Variants in NMT2 observed in about 807,000 individuals in gnomAD.
NMT2 encodes the protein glycylpeptide N-tetradecanoyltransferase 2.
NMT2 carries 35 observed loss-of-function variants against 65.4 expected under a neutral mutation model. That is an observed-to-expected ratio of 0.54 (90% CI 0.41 to 0.71). NMT2 has a LOEUF of 0.71. NMT2 is among the 30% of genes least tolerant of loss of function. The pLI is 0.00. For synonymous variants in NMT2, 226 were observed against 231.8 expected (o/e 0.98, Z 0.23); for missense variants, 489 against 611.3 (o/e 0.80, Z 2.11).
Position 15,107,707 on chromosome 10 carries a change from G to T in NMT2, c.*1488C>A. 1.1e-6 allele frequency: 1 copy of T among 911,010 alleles called. No individual in the cohort carries two copies. Among genetic ancestry groups the T allele is most frequent in the Non-Finnish European group, 1.3e-6 (1 of 762,384 alleles). The allele number at this position is 911,010 out of a possible 1,614,324, so 56.4% of individuals were successfully genotyped here. A position where few individuals can be genotyped will look rare whatever the true frequency, so the allele number is the denominator to read the frequency against. On this transcript the variant is annotated 3_prime_UTR_variant, in exon 12 of 12. Transcript: ENST00000378165. ...TGACCTCAAATGTTTCGCCCGCCTT[G>T]GCCTCCCAAAGTGCTGGGATTACAG...
At chr10:15,141,618 A>T (rs1299637558) in intron 1 of NMT2, 61 bp from the exon 2 acceptor site, 11 of 1,518,404 alleles carry the variant, frequency 7.2e-6, no homozygotes, top group Non-Finnish European at 8.0e-6. Context: ...AATGAAATTG[A>T]ATTGCATACA....
intron 1 of NMT2, among the ~76,000 whole-genome samples, chr10:15,164,797 C>T (rs533877170): frequency 5.9e-5 from 9 of 151,896 alleles, no homozygotes; most frequent in South Asian, 2.1e-4. Context: ...TTTGGGAGGC[C>T]GAGGCCAGGG....
chr10:15,107,676 A>G lies in NMT2; in HGVS notation c.*1519T>C. 1.4e-6 allele frequency: 1 copy of G among 720,574 alleles called. No individual in the cohort carries two copies. The highest frequency in any genetic ancestry group is 1.7e-6 in the Non-Finnish European group (1 of 588,738). 44.6% of individuals were successfully genotyped at this position (720,574 alleles called of 1,614,324 possible). A position where few individuals can be genotyped will look rare whatever the true frequency, so the allele number is the denominator to read the frequency against. ...CACCATGTTGGCCAGGCTGGTCTCG[A>G]ACCCCTGACCTCAAATGTTTCGCCC... On this transcript the variant is annotated 3_prime_UTR_variant, in exon 12 of 12. Coordinates refer to ENST00000378165, the MANE Select transcript of NMT2 (RefSeq NM_004808.3).
intron 2 of NMT2, chr10:15,139,660 A>G (rs972706938): frequency 1.3e-5 from 2 of 151,852 alleles, no homozygotes; most frequent in African/African-American, 4.8e-5. Context: ...AAGCTAGGGA[A>G]GAAGATTCCA....
At position 15,168,621 on chromosome 10, in the gene NMT2, C is replaced by CGCTGGCTGGGGAGGCGGT. The variant is rs759289845; in HGVS notation, c.-27_-10dup. 1.1e-5 allele frequency: 18 copies of CGCTGGCTGGGGAGGCGGT among 1,572,006 alleles called. No homozygotes were observed. Among genetic ancestry groups the CGCTGGCTGGGGAGGCGGT allele is most frequent in the Non-Finnish European group, 1.5e-5 (18 of 1,165,832 alleles). On this transcript the variant is annotated 5_prime_UTR_variant, in exon 1 of 12. Coordinates refer to ENST00000378165, the MANE Select transcript of NMT2 (RefSeq NM_004808.3). ...TCGCTGTCCTCCGCCATCGCGGCGG[C>CGCTGGCTGGGGAGGCGGT]GCTGGCTGGGGAGGCGGTGCTCGGG...
intron 1 of NMT2, among the ~76,000 whole-genome samples, chr10:15,151,059 C>CTTTTTTTTTTTTTTTTT (rs200879621): frequency 7.1e-6 from 1 of 139,896 alleles, no homozygotes; most frequent in African/African-American, 2.7e-5. Flanking sequence ...TAGCTTCCTC[C>CTTTTTTTTTTTTTTTTT]TTTTTTTTTT....
intron 1 of NMT2, chr10:15,155,297 G>A (rs1236562338): frequency 1.5e-6 from 2 of 1,349,026 alleles, no homozygotes; most frequent in Admixed American, 1.7e-5. Flanking sequence ...TGGCGATGTT[G>A]AAGAACATGG....
chr10:15,164,437 T>C (rs1378490392), intron 1 of NMT2, among the ~76,000 whole-genome samples: 1 of 152,188 alleles, frequency 6.6e-6, no homozygotes, highest in African/African-American at 2.4e-5. Context: ...GGGACAGATT[T>C]GGTTTTGTTA....
intron 9 of NMT2, among the ~76,000 whole-genome samples, chr10:15,113,463 CAAAAAAA>C (rs1169255963): frequency 0.029 from 1,060 of 36,960 alleles, 12 homozygotes; most frequent in African/African-American, 0.091. Context: ...GGATGAGACT[CAAAAAAA>C]AAAAAAAAAA....
At chr10:15,159,091 G>A (rs1833100821) in intron 1 of NMT2, among the ~76,000 whole-genome samples, 2 of 152,154 alleles carry the variant, frequency 1.3e-5, no homozygotes, top group African/African-American at 2.4e-5. Flanking sequence ...GCCCTCAGTG[G>A]CCATGTTGTA....
intron 1 of NMT2, among the ~76,000 whole-genome samples, chr10:15,157,133 T>C (rs1470301477): frequency 6.6e-6 from 1 of 152,132 alleles, no homozygotes; most frequent in Non-Finnish European, 1.5e-5. Context: ...GAAGGTACTA[T>C]ATGAGCTGGA....
At chr10:15,142,868 C>T (rs1425625394) in intron 1 of NMT2, among the ~76,000 whole-genome samples, 4 of 152,116 alleles carry the variant, frequency 2.6e-5, no homozygotes, top group African/African-American at 4.8e-5. Context: ...GCTGCAGATA[C>T]GTTCAGTTTT....
At chr10:15,112,216 A>ATTTTTT (rs869310724) in intron 10 of NMT2, among the ~76,000 whole-genome samples, 1 of 12,256 alleles carries the variant, frequency 8.2e-5, no homozygotes. Flanking sequence ...ATATATATAT[A>ATTTTTT]TTTTTTTTTT....
intron 10 of NMT2, among the ~76,000 whole-genome samples, 185 bp downstream of exon 10, chr10:15,112,609 TGA>T (rs550304981): frequency 1.3e-3 from 192 of 152,292 alleles, no homozygotes; most frequent in African/African-American, 4.4e-3. Context: ...AAATTAATGA[TGA>T]AAATAGCCTC....
intron 8 of NMT2, among the ~76,000 whole-genome samples, chr10:15,124,478 G>A (rs974911567): frequency 2.6e-5 from 4 of 152,088 alleles, no homozygotes; most frequent in African/African-American, 4.8e-5. Context: ...GTTAAATGTC[G>A]AGCATAACGC....
At chr10:15,121,093 CAACA>C (rs1463198431) in intron 8 of NMT2, among the ~76,000 whole-genome samples, 1 of 152,034 alleles carries the variant, frequency 6.6e-6, no homozygotes, top group East Asian at 1.9e-4. Flanking sequence ...TCAGGAAGCC[CAACA>C]AACAGACAAT....
intron 1 of NMT2, among the ~76,000 whole-genome samples, chr10:15,148,936 A>T (rs1847051814): frequency 6.6e-6 from 1 of 152,200 alleles, no homozygotes; most frequent in African/African-American, 2.4e-5. Flanking sequence ...TTTGGCAAAC[A>T]TTTTAAAATC....
chr10:15,134,158 A>G (rs12250830), intron 3 of NMT2, among the ~76,000 whole-genome samples: 56,058 of 152,028 alleles, frequency 0.37, 14,655 homozygotes, highest in African/African-American at 0.75. Context: ...CTCCCCATCT[A>G]AACTGCTAGC....
intron 8 of NMT2, among the ~76,000 whole-genome samples, chr10:15,122,271 A>T (rs1011454905): frequency 6.6e-6 from 1 of 152,168 alleles, no homozygotes; most frequent in Non-Finnish European, 1.5e-5. Flanking sequence ...TGAAAAAAAA[A>T]TTTGCCAACT....
Sources: allele counts gnomAD v4.1 joint callset (sites outside exome capture counted in the v4.1 genomes callset), GRCh38; gene constraint gnomAD v4.1.1; transcripts MANE v1.5; gene names NCBI Gene and HGNC (gene_info 2026-07-23, HGNC 2026-07-21).